Variants in RAD9B observed in about 807,000 individuals in gnomAD.
RAD9B encodes RAD9 checkpoint clamp component B.
RAD9B carries 41 observed loss-of-function variants against 48.3 expected under a neutral mutation model. The ratio of observed to expected loss-of-function variants is 0.85; its 90% CI spans 0.66 to 1.10. The LOEUF (loss-of-function observed/expected upper bound fraction) is 1.10. RAD9B is among the 50% of genes least tolerant of loss of function. The pLI, the probability that RAD9B is intolerant of heterozygous loss-of-function variation, is 0.00. For missense variants in RAD9B, 444 were observed against 485.1 expected, an observed-to-expected ratio of 0.92 and a Z score of 0.80; for synonymous variants, 160 against 157.9, an observed-to-expected ratio of 1.01 and a Z score of -0.10.
chr12:110,512,036 G>A (rs951822399), intron 4 of RAD9B, among the ~76,000 whole-genome samples: 2 of 151,350 alleles, frequency 1.3e-5, no homozygotes, highest in Non-Finnish European at 2.9e-5. Context: ...TAGTAGAGAC[G>A]GAGTTTCACC....
intron 5 of RAD9B, among the ~76,000 whole-genome samples, chr12:110,514,283 T>C (rs552914193): frequency 4.6e-5 from 7 of 152,260 alleles, no homozygotes; most frequent in Non-Finnish European, 8.8e-5. Flanking sequence ...GAATTTTATT[T>C]TATCTTAATA....
intron 4 of RAD9B, among the ~76,000 whole-genome samples, chr12:110,510,688 A>G (rs2063433011): frequency 6.6e-6 from 1 of 152,194 alleles, no homozygotes; most frequent in Non-Finnish European, 1.5e-5. Context: ...TATGTATGCT[A>G]CAGTTCCTGG....
chr12:110,512,027 A>C (rs2063475562), intron 4 of RAD9B, among the ~76,000 whole-genome samples: 1 of 151,586 alleles, frequency 6.6e-6, no homozygotes, highest in Non-Finnish European at 1.5e-5. Context: ...TTTATATTTT[A>C]GTAGAGACGG....
chr12:110,521,372 C>G (rs891754352), intron 9 of RAD9B, among the ~76,000 whole-genome samples: 5 of 151,824 alleles, frequency 3.3e-5, no homozygotes, highest in African/African-American at 1.2e-4. Context: ...AGGCTGGTCT[C>G]TTAACTCCTG....
intron 10 of RAD9B, among the ~76,000 whole-genome samples, chr12:110,525,374 C>T (rs1232958726): frequency 6.6e-6 from 1 of 152,116 alleles, no homozygotes; most frequent in East Asian, 1.9e-4. Context: ...GATCCGCCCT[C>T]CTTGGCTTCC....
intron 5 of RAD9B, among the ~76,000 whole-genome samples, chr12:110,514,288 T>G (rs1033977118): frequency 2.6e-5 from 4 of 152,148 alleles, no homozygotes; most frequent in Non-Finnish European, 5.9e-5. Flanking sequence ...TTATTTTATC[T>G]TAATAATATC....
intron 10 of RAD9B, among the ~76,000 whole-genome samples, chr12:110,529,727 G>A (rs1007860142): frequency 6.6e-6 from 1 of 152,212 alleles, no homozygotes; most frequent in Non-Finnish European, 1.5e-5. Flanking sequence ...CTGGGCAATA[G>A]GGCAAAACCT....
chr12:110,506,843 C>CTTT, intron 4 of RAD9B, 150 bp downstream of exon 4: 17 of 374,278 alleles, frequency 4.5e-5, no homozygotes, highest in Middle Eastern at 8.2e-4. Flanking sequence ...AAGTATTATC[C>CTTT]TTTTTTTTTT....
chr12:110,510,574 G>A (rs1014794784), intron 4 of RAD9B, among the ~76,000 whole-genome samples: 3 of 152,130 alleles, frequency 2.0e-5, no homozygotes, highest in South Asian at 4.1e-4. Context: ...TAGGTGAGAG[G>A]CCTTAGCCAT....
chr12:110,531,911 G>A lies in RAD9B; in HGVS notation c.*1258G>A. 3 of 385,370 alleles carry A rather than the reference G, an allele frequency of 7.8e-6. No homozygotes were observed. The highest frequency in any genetic ancestry group is 1.4e-5 in the Non-Finnish European group (3 of 215,302). 23.9% of individuals were successfully genotyped at this position (385,370 alleles called of 1,614,324 possible). ...TCAAACCGTAAGGAAGTGTTAACTG[G>A]CAAGCAGTTGTACTTTAGACTTTGT... On this transcript the variant is annotated 3_prime_UTR_variant, in exon 11 of 11. Coordinates refer to ENST00000409300, the MANE Select transcript of RAD9B (RefSeq NM_001286535.2).
In RAD9B at chr12:110,512,900, G is replaced by GT. The variant is rs767883748; in HGVS notation, c.488+29dup. Reference sequence around the variant, plus strand: ...CAAGGTAATGAGTTCTCTGTTGTCAGTTTTTTTCACCTGAATACAGTATGA... The same window carrying GT: ...CAAGGTAATGAGTTCTCTGTTGTCAGTTTTTTTTCACCTGAATACAGTATGA... On this transcript the variant is annotated intron_variant, in intron 5 of 10. Coordinates refer to ENST00000409300, the MANE Select transcript of RAD9B (RefSeq NM_001286535.2). The GT allele has an allele frequency of 2.0e-5, 24 of 1,207,880 alleles. No homozygotes were observed. The Admixed American group carries it at 3.7e-4, about 19-fold the overall frequency. 74.8% of individuals were successfully genotyped at this position (1,207,880 alleles called of 1,614,324 possible). A position where few individuals can be genotyped will look rare whatever the true frequency, so the allele number is the denominator to read the frequency against.
intron 9 of RAD9B, 66 bp downstream of exon 9, chr12:110,519,982 T>G: frequency 2.0e-6 from 3 of 1,493,978 alleles, no homozygotes; most frequent in Non-Finnish European, 2.7e-6. Context: ...TTGAAATAAT[T>G]CACTTGCATT....
chr12:110,531,247 C>A lies in RAD9B; in HGVS notation c.*594C>A. 1 of 705,792 alleles carries A rather than the reference C, an allele frequency of 1.4e-6. No individual in the cohort carries two copies. The highest frequency in any genetic ancestry group is 1.8e-6 in the Non-Finnish European group (1 of 550,346). The allele number at this position is 705,792 out of a possible 1,614,324, so 43.7% of individuals were successfully genotyped here. A position where few individuals can be genotyped will look rare whatever the true frequency, so the allele number is the denominator to read the frequency against. Reference sequence around the variant, plus strand: ...TCACTTTGTCACTCAGGCTCAAGTGCAGTGGTGCAATCTCTGCTCACTGCA... The same window carrying A: ...TCACTTTGTCACTCAGGCTCAAGTGAAGTGGTGCAATCTCTGCTCACTGCA... On this transcript the variant is annotated 3_prime_UTR_variant, in exon 11 of 11. Coordinates refer to ENST00000409300, the MANE Select transcript of RAD9B (RefSeq NM_001286535.2).
intron 1 of RAD9B, 166 bp downstream of exon 1, chr12:110,502,549 G>A: frequency 1.4e-6 from 1 of 704,720 alleles, no homozygotes; most frequent in Non-Finnish European, 2.4e-6. Context: ...ACTTCTGAGG[G>A]GAGGATGAGG....
At chr12:110,519,409 T>TTTTTTGTTGTTG (rs573468586) in intron 8 of RAD9B, among the ~76,000 whole-genome samples, 3 of 116,710 alleles carry the variant, frequency 2.6e-5, no homozygotes, top group Non-Finnish European at 5.3e-5. Context: ...CGGCCTACTG[T>TTTTTTGTTGTTG]TTGTTGTTGT....
intron 10 of RAD9B, among the ~76,000 whole-genome samples, chr12:110,529,275 C>T (rs1435946972): frequency 6.6e-6 from 1 of 152,092 alleles, no homozygotes; most frequent in African/African-American, 2.4e-5. Flanking sequence ...TCCCTAGTAG[C>T]TGGGATTACA....
chr12:110,525,051 A>G lies in RAD9B; in HGVS notation c.1125+2640A>G, dbSNP rs540110100. On this transcript the variant is annotated intron_variant, in intron 10 of 10. Transcript: ENST00000409300. ...GCCCAGGCTAGATTGCAGTGGTGCA[A>G]TCTGGTTCACTGCAACCTCCACCTC... 9.3e-4 allele frequency among the ~76,000 whole-genome samples: 142 copies of G among 152,056 alleles called. 4 individuals are homozygous for G. The highest frequency in any genetic ancestry group is 8.8e-3 in the Admixed American group (135 of 15,272).
In RAD9B at chr12:110,530,841, A is replaced by G; in HGVS notation, c.*188A>G. On this transcript the variant is annotated 3_prime_UTR_variant, in exon 11 of 11. Coordinates refer to ENST00000409300, the MANE Select transcript of RAD9B (RefSeq NM_001286535.2). ...AATAGCTGTTTGTCAAGTGTATGTA[A>G]CTTGCTTTAAATCCATTATGCTACT... 5.1e-6 allele frequency: 7 copies of G among 1,367,604 alleles called. No homozygotes were observed. The highest frequency in any genetic ancestry group is 6.6e-6 in the Non-Finnish European group (7 of 1,059,492). 84.7% of individuals were successfully genotyped at this position (1,367,604 alleles called of 1,614,324 possible). A position where few individuals can be genotyped will look rare whatever the true frequency, so the allele number is the denominator to read the frequency against.
At position 110,518,547 on chromosome 12, in the gene RAD9B, G is replaced by T. The variant is rs1249815873; in HGVS notation, c.596-129G>T. ...TTTAAAAATAGCATGCAGATATCAG[G>T]TGGGGAAGTTAGGGTACGTAGGGCA... On this transcript the variant is annotated intron_variant, in intron 6 of 10. Coordinates refer to ENST00000409300, the MANE Select transcript of RAD9B (RefSeq NM_001286535.2). The T allele has an allele frequency of 8.1e-5, 45 of 558,912 alleles. 1 individual carries two copies. The highest frequency in any genetic ancestry group is 6.0e-4 in the East Asian group (20 of 33,198). 34.6% of individuals were successfully genotyped at this position (558,912 alleles called of 1,614,324 possible).
Sources: allele counts gnomAD v4.1 joint callset (sites outside exome capture counted in the v4.1 genomes callset), GRCh38; gene constraint gnomAD v4.1.1; transcripts MANE v1.5; gene names NCBI Gene and HGNC (gene_info 2026-07-23, HGNC 2026-07-21).